The following NEGR1 variants were observed in gnomAD, a reference collection of about 807,000 sequenced individuals.
NEGR1 encodes the protein neuronal growth regulator 1, also known as IgLON family member 4.
A neutral mutation model predicts 40.9 loss-of-function variants in NEGR1; 10 were observed. That is an observed-to-expected ratio of 0.24 (90% confidence interval 0.15 to 0.42). The LOEUF is 0.42. Among genes scored for constraint, NEGR1 ranks in the 10% least tolerant of loss-of-function variants. NEGR1 has a pLI of 1.00. For synonymous variants in NEGR1, 185 were observed against 166.8 expected (o/e 1.11, Z -0.84); for missense variants, 352 against 438.9 (o/e 0.80, Z 1.77).
At chr1:71,743,183 T>C (rs1463089194) in intron 3 of NEGR1, among the ~76,000 whole-genome samples, 2 of 152,186 alleles carry the variant, frequency 1.3e-5, no homozygotes, top group African/African-American at 4.8e-5. Context: ...ATGGCATTTG[T>C]AAAATCAGTC....
At chr1:72,139,473 G>A (rs567956011) in intron 1 of NEGR1, among the ~76,000 whole-genome samples, 1 of 152,026 alleles carries the variant, frequency 6.6e-6, no homozygotes, top group East Asian at 1.9e-4. Context: ...AGATTCTATA[G>A]ATTTTAAATG....
intron 6 of NEGR1, among the ~76,000 whole-genome samples, chr1:71,558,632 G>A (rs1013534164): frequency 1.3e-5 from 2 of 150,606 alleles, no homozygotes; most frequent in Non-Finnish European, 3.0e-5. Context: ...TTCCAGTTTT[G>A]TAGCTTAAAT....
chr1:71,475,702 G>T (rs1646815210), intron 6 of NEGR1, among the ~76,000 whole-genome samples: 1 of 151,874 alleles, frequency 6.6e-6, no homozygotes, highest in African/African-American at 2.4e-5. Flanking sequence ...TTCCTAAGAA[G>T]GTCGTTAGGA....
chr1:71,500,210 T>C (rs1053005820), intron 6 of NEGR1, among the ~76,000 whole-genome samples: 5 of 152,204 alleles, frequency 3.3e-5, no homozygotes, highest in Non-Finnish European at 5.9e-5. Context: ...GGATATATTA[T>C]TGTCAATGAC....
At chr1:72,140,224 T>TTTGTTG (rs59526560) in intron 1 of NEGR1, among the ~76,000 whole-genome samples, 60,094 of 150,548 alleles carry the variant, frequency 0.4, 12,427 homozygotes, top group Admixed American at 0.52. Context: ...GATAACTGTT[T>TTTGTTG]TTGTTGTTGT....
At chr1:71,584,465 CATA>C (rs1649235935) in intron 6 of NEGR1, among the ~76,000 whole-genome samples, 1 of 152,150 alleles carries the variant, frequency 6.6e-6, no homozygotes, top group Non-Finnish European at 1.5e-5. Flanking sequence ...GAAGTTTAAT[CATA>C]ATGATACTCA....
At chr1:72,161,963 A>T (rs568316375) in intron 1 of NEGR1, among the ~76,000 whole-genome samples, 1 of 151,982 alleles carries the variant, frequency 6.6e-6, no homozygotes, top group African/African-American at 2.4e-5. Flanking sequence ...AAGTGCTGGG[A>T]TTACAGGCAT....
In NEGR1 at chr1:71,409,765, G is replaced by A. The variant is rs1320219786; in HGVS notation, c.941-2195C>T. ...GGTATATAGTAGATGCTCAAGAAAT[G>A]TCTAAGTAAATGATTCAATCAAATG... On this transcript the variant is annotated intron_variant, in intron 6 of 6. Coordinates refer to ENST00000357731, the MANE Select transcript of NEGR1 (RefSeq NM_173808.3). Among the ~76,000 whole-genome samples, 4 of 152,032 alleles carry A rather than the reference G, an allele frequency of 2.6e-5. No homozygotes were observed. In the East Asian group the frequency reaches 7.7e-4, roughly 29 times the overall value.
In NEGR1 at chr1:72,085,740, C is replaced by T. The variant is rs1315026658; in HGVS notation, c.177-150429G>A. ...ATCCCAGCACTTTGGGAGGCTGAGG[C>T]GGGTGGATCACCTGAGGTTGGAAGT... On this transcript the variant is annotated intron_variant, in intron 1 of 6. Coordinates refer to ENST00000357731, the MANE Select transcript of NEGR1 (RefSeq NM_173808.3). Among the ~76,000 whole-genome samples the T allele has an allele frequency of 4.6e-5, 7 of 151,790 alleles. No individual in the cohort carries two copies. The South Asian group carries it at 6.2e-4, about 13-fold the overall frequency.
chr1:71,679,637 T>C (rs1652764946), intron 4 of NEGR1, among the ~76,000 whole-genome samples: 2 of 152,218 alleles, frequency 1.3e-5, no homozygotes, highest in East Asian at 1.9e-4. Flanking sequence ...TAGAGGCAAT[T>C]TGGCAGCTTT....
intron 2 of NEGR1, among the ~76,000 whole-genome samples, chr1:71,829,051 A>C (rs908682866): frequency 2.6e-5 from 4 of 151,952 alleles, no homozygotes; most frequent in African/African-American, 9.7e-5. Context: ...TATTGCTACT[A>C]TCTAAAGTCT....
intron 1 of NEGR1, among the ~76,000 whole-genome samples, chr1:72,094,014 G>A (rs1353381209): frequency 6.6e-6 from 1 of 152,130 alleles, no homozygotes; most frequent in Non-Finnish European, 1.5e-5. Flanking sequence ...CCAGAAGTAA[G>A]TATTTTGACT....
chr1:72,275,537 AATCT>A (rs1194962986), intron 1 of NEGR1, among the ~76,000 whole-genome samples: 1 of 152,238 alleles, frequency 6.6e-6, no homozygotes, highest in Non-Finnish European at 1.5e-5. Context: ...GACAATCTTT[AATCT>A]ATCAGCAAGC....
intron 4 of NEGR1, among the ~76,000 whole-genome samples, chr1:71,696,632 A>G (rs1653483247): frequency 6.6e-6 from 1 of 151,828 alleles, no homozygotes. Context: ...CTAGTGATAA[A>G]TGATCAGGAA....
At chr1:71,751,238 C>T (rs1219368030) in intron 3 of NEGR1, among the ~76,000 whole-genome samples, 1 of 152,066 alleles carries the variant, frequency 6.6e-6, no homozygotes, top group African/African-American at 2.4e-5. Context: ...ATGAGCATCC[C>T]AAGATCTGTT....
intron 1 of NEGR1, among the ~76,000 whole-genome samples, chr1:72,102,277 C>A (rs1003214296): frequency 6.6e-6 from 1 of 151,514 alleles, no homozygotes; most frequent in East Asian, 1.9e-4. Flanking sequence ...TTTATCCAAC[C>A]CCCCCATAAT....
At chr1:71,601,675 T>C (rs1649922801) in intron 5 of NEGR1, among the ~76,000 whole-genome samples, 1 of 152,170 alleles carries the variant, frequency 6.6e-6, no homozygotes, top group African/African-American at 2.4e-5. Context: ...GATGGAGTTA[T>C]AGGCCATTAT....
intron 1 of NEGR1, among the ~76,000 whole-genome samples, chr1:72,177,564 T>C (rs149008352): frequency 0.015 from 2,226 of 152,198 alleles, 49 homozygotes; most frequent in African/African-American, 0.05. Context: ...TTCAACAACA[T>C]ATATCAAAGT....
At chr1:71,524,233 ATAGATGC>A (rs1647189019) in intron 6 of NEGR1, among the ~76,000 whole-genome samples, 2 of 151,512 alleles carry the variant, frequency 1.3e-5, no homozygotes, top group South Asian at 2.1e-4. Flanking sequence ...CTTTCCTGTT[ATAGATGC>A]CTTCTCTAAC....
Sources: gnomAD v4.1 joint callset for allele counts (sites outside exome capture counted in the v4.1 genomes callset) on GRCh38, gnomAD v4.1.1 for gene constraint, MANE v1.5 for transcripts, NCBI Gene and HGNC (gene_info 2026-07-23, HGNC 2026-07-21) for gene names.